The following CCDC50 variants were observed in gnomAD, a reference collection of about 807,000 sequenced individuals.
CCDC50 encodes coiled-coil domain-containing protein 50.
In CCDC50, 54 loss-of-function variants were observed where a neutral mutation model predicts 70.2. The observed-to-expected ratio is 0.77, with a 90% CI of 0.62 to 0.96. The LOEUF is 0.96. CCDC50 is among the 50% of genes least tolerant of loss of function. The pLI is 0.00. For missense variants in CCDC50, 558 were observed against 578.7 expected, an observed-to-expected ratio of 0.96 and a Z score of 0.37; for synonymous variants, 216 against 198.8, an observed-to-expected ratio of 1.09 and a Z score of -0.73.
intron 1 of CCDC50, among the ~76,000 whole-genome samples, chr3:191,338,733 T>C (rs1268082023): frequency 6.6e-6 from 1 of 152,230 alleles, no homozygotes; most frequent in Non-Finnish European, 1.5e-5. Context: ...ACTTTTACTT[T>C]TTGTTGTATG....
At chr3:191,380,992 C>T in intron 9 of CCDC50, 60 bp downstream of exon 9, 1 of 1,347,592 alleles carries the variant, frequency 7.4e-7, no homozygotes, top group Non-Finnish European at 1.0e-6. Context: ...AAAGGGGACT[C>T]TGCTTTTGAG....
In CCDC50 at chr3:191,375,310, C is replaced by A; in HGVS notation, c.697C>A (p.Pro233Thr). The A allele has an allele frequency of 6.2e-7, 1 of 1,613,726 alleles. No homozygotes were observed. The highest frequency in any genetic ancestry group is 1.1e-5 in the South Asian group (1 of 91,052). ...AAGGAAACGGTCCACTCAGGAGAGG[C>A]CTCGGAGACCTCTGCTTCCCACGAT... is the stretch of plus-strand genomic sequence containing the variant. Reference protein sequence around the residue: ...HERKRSTQERPRRPLLPTISG... With the variant: ...HERKRSTQERTRRPLLPTISG... Residue 233 changes from proline (P) to threonine (T), a missense_variant, in exon 6 of 12, where the codon CCT (proline) becomes ACT (threonine). By Grantham distance (38) the Pro-to-Thr change is conservative (BLOSUM62 -1). Transcript: ENST00000392455.
intron 10 of CCDC50, among the ~76,000 whole-genome samples, chr3:191,389,168 TG>T (rs1713598435): frequency 6.6e-6 from 1 of 152,162 alleles, no homozygotes; most frequent in Admixed American, 6.5e-5. Context: ...TTCTTTGACT[TG>T]GTAAGACCTA....
intron 4 of CCDC50, among the ~76,000 whole-genome samples, chr3:191,366,823 A>G (rs1309644001): frequency 6.6e-6 from 1 of 152,086 alleles, no homozygotes; most frequent in Non-Finnish European, 1.5e-5. Context: ...GTGCTGTTCT[A>G]GACTTATCAT....
intron 1 of CCDC50, among the ~76,000 whole-genome samples, chr3:191,329,952 G>T (rs1023636180): frequency 1.1e-4 from 16 of 142,498 alleles, no homozygotes; most frequent in Admixed American, 4.9e-4. Context: ...TGGGGGGGGG[G>T]GGGGCTAGCA....
Position 191,374,914 on chromosome 3 carries a change from CTCT to C in CCDC50, c.449-144_449-142del, listed in dbSNP as rs1713040765. ...GAACTGTTTCAGTAATGCTCATCCC[CTCT>C]TCTCAATTTAAGTTGAAAAAGCAAT... On this transcript the variant is annotated intron_variant, in intron 5 of 11. Transcript: ENST00000392455. 48 of 791,516 alleles carry C rather than the reference CTCT, an allele frequency of 6.1e-5. No individual in the cohort carries two copies. The South Asian group carries it at 7.0e-4, about 12-fold the overall frequency. The allele number at this position is 791,516 out of a possible 1,614,324, so 49.0% of individuals were successfully genotyped here.
chr3:191,389,273 G>A (rs1713601451), intron 10 of CCDC50, among the ~76,000 whole-genome samples: 1 of 152,114 alleles, frequency 6.6e-6, no homozygotes, highest in Non-Finnish European at 1.5e-5. Context: ...TAGTTGTTGA[G>A]GAGATAATTG....
At chr3:191,391,706 CTTAA>C (rs771401542) in intron 11 of CCDC50, 31 bp from the exon 12 acceptor site, 8 of 1,606,522 alleles carry the variant, frequency 5.0e-6, no homozygotes, top group South Asian at 2.2e-5. Context: ...AAGGTTTTTC[CTTAA>C]TTGTGTTTCC....
At chr3:191,380,768 ATC>A in intron 8 of CCDC50, 37 bp downstream of exon 8, 1 of 1,611,784 alleles carries the variant, frequency 6.2e-7, no homozygotes, top group South Asian at 1.1e-5. Context: ...CTTTGGAAAT[ATC>A]CTAGTATATT....
chr3:191,348,154 AG>A lies in CCDC50; in HGVS notation c.50-8932del, dbSNP rs1481272841. Among the ~76,000 whole-genome samples, 15 of 142,300 alleles carry A rather than the reference AG, an allele frequency of 1.1e-4. 2 individuals carry two copies. The Admixed American group carries it at 1.1e-3, about 10-fold the overall frequency. 93.4% of individuals were successfully genotyped at this position (142,300 alleles called of 152,430 possible). A position where few individuals can be genotyped will look rare whatever the true frequency, so the allele number is the denominator to read the frequency against. The stretch of plus-strand genomic sequence containing the variant: ...CTGTATGTTTGTGAGTCAGCTACAT[AG>A]GTGACATTTGAATGGGGGTCTTGTA... On this transcript the variant is annotated intron_variant, in intron 1 of 11. Transcript: ENST00000392455.
In CCDC50 at chr3:191,397,161, G is replaced by A. The variant is rs1713887891; in HGVS notation, c.*5401G>A. ...TTCTTCCCAAAAGATCAAGTAAGGA[G>A]TAAGAACAAGTAAGGGAAGACAGCT... On this transcript the variant is annotated 3_prime_UTR_variant, in exon 12 of 12. Coordinates refer to ENST00000392455, the MANE Select transcript of CCDC50 (RefSeq NM_178335.3). 6.6e-6 allele frequency: 1 copy of A among 152,156 alleles called. No homozygotes were observed. The allele number at this position is 152,156 out of a possible 1,614,324, so 9.4% of individuals were successfully genotyped here. A position where few individuals can be genotyped will look rare whatever the true frequency, so the allele number is the denominator to read the frequency against.
chr3:191,354,829 T>G (rs371361483), intron 1 of CCDC50, among the ~76,000 whole-genome samples: 8 of 152,158 alleles, frequency 5.3e-5, no homozygotes, highest in African/African-American at 1.9e-4. Context: ...GCCCCTAATA[T>G]AAAATGGGGT....
intron 3 of CCDC50, among the ~76,000 whole-genome samples, chr3:191,359,477 T>G (rs898618604): frequency 6.6e-6 from 1 of 152,158 alleles, no homozygotes; most frequent in Non-Finnish European, 1.5e-5. Flanking sequence ...GATTTTAAAT[T>G]ATAAGGAATG....
intron 3 of CCDC50, among the ~76,000 whole-genome samples, chr3:191,360,710 A>G (rs1712455918): frequency 6.6e-6 from 1 of 152,232 alleles, no homozygotes; most frequent in African/African-American, 2.4e-5. Context: ...GGCATGACAG[A>G]GAATGATTTG....
intron 4 of CCDC50, among the ~76,000 whole-genome samples, chr3:191,364,915 G>A (rs895351980): frequency 2.0e-5 from 3 of 151,668 alleles, no homozygotes; most frequent in East Asian, 3.9e-4. Flanking sequence ...ATAGTTTCTC[G>A]AATATGGTAG....
At chr3:191,364,075 T>C (rs1224383441) in intron 4 of CCDC50, among the ~76,000 whole-genome samples, 2 of 92,084 alleles carry the variant, frequency 2.2e-5, no homozygotes, top group Non-Finnish European at 4.9e-5. Flanking sequence ...TTAGTTCTTA[T>C]TTTTTTTTTT....
At position 191,329,703 on chromosome 3, in the gene CCDC50, A is replaced by T; in HGVS notation, c.29A>T (p.Lys10Met). ...GCTGAAGTCAGCATCGACCAGTCCA[A>T]GCTGCCTGGAGTCAAGGAAGGTAAG... The part of the protein sequence containing the change: MAEVSIDQS[K>M]LPGVKEVCRD... The change falls in exon 1 of 12, where the codon AAG (lysine) becomes ATG (methionine). Residue 10 changes from lysine to methionine, a missense_variant. Transcript: ENST00000392455. 3 of 1,610,636 alleles carry T rather than the reference A, an allele frequency of 1.9e-6. No homozygotes were observed. The highest frequency in any genetic ancestry group is 2.5e-6 in the Non-Finnish European group (3 of 1,178,948).
chr3:191,337,261 A>G (rs1711553928), intron 1 of CCDC50, among the ~76,000 whole-genome samples: 2 of 152,172 alleles, frequency 1.3e-5, no homozygotes, highest in South Asian at 4.1e-4. Context: ...AGTTATCGGT[A>G]TAAACACTGT....
At position 191,369,911 on chromosome 3, in the gene CCDC50, CT is replaced by C. The variant is rs775236607; in HGVS notation, c.331-5del. ...ATGTGTATTTCCATTCTCCTCTTGT[CT>C]TTGCAGGACATAGCTCGCCTTTTGC... On this transcript the variant is annotated splice_region_variant and splice_polypyrimidine_tract_variant and intron_variant, in intron 4 of 11. Transcript: ENST00000392455. 4.9e-5 allele frequency: 78 copies of C among 1,594,778 alleles called. No homozygotes were observed. Among genetic ancestry groups the C allele is most frequent in the Non-Finnish European group, 6.5e-5 (76 of 1,163,066 alleles).
Sources: gnomAD v4.1 joint callset for allele counts (sites outside exome capture counted in the v4.1 genomes callset) on GRCh38, gnomAD v4.1.1 for gene constraint, MANE v1.5 for transcripts, NCBI Gene and HGNC (gene_info 2026-07-23, HGNC 2026-07-21) for gene names.